The following GPS2 variants were observed in gnomAD, a reference collection of about 807,000 sequenced individuals.
GPS2 encodes GPS-2.
In GPS2, 22 loss-of-function variants were observed where a neutral mutation model predicts 48.1. That is an observed-to-expected ratio of 0.46 (90% confidence interval 0.33 to 0.65). The LOEUF is 0.65. Among genes scored for constraint, GPS2 ranks in the 30% least tolerant of loss-of-function variants. The pLI is 0.03. For missense variants in GPS2, 366 were observed against 406.8 expected (o/e 0.90, Z 0.86); for synonymous variants, 202 against 142.5 (o/e 1.42, Z -2.98).
intron 10 of GPS2, 74 bp downstream of exon 10, chr17:7,312,955 T>C (rs762194404): frequency 6.9e-7 from 1 of 1,458,002 alleles, no homozygotes; most frequent in South Asian, 1.2e-5. Context: ...GTGGGCCACC[T>C]GTCCTACCTA....
In GPS2 at chr17:7,312,705, C is replaced by T. The variant is rs756600341; in HGVS notation, c.*51G>A. 3 of 1,415,808 alleles carry T rather than the reference C, an allele frequency of 2.1e-6. No homozygotes were observed. Among genetic ancestry groups the T allele is most frequent in the South Asian group, 2.3e-5 (2 of 86,994 alleles). The allele number at this position is 1,415,808 out of a possible 1,614,324, so 87.7% of individuals were successfully genotyped here. A position where few individuals can be genotyped will look rare whatever the true frequency, so the allele number is the denominator to read the frequency against. ...TTGGCCTGGGACACACAGGGGATAC[C>T]CTCACCCACGATGGGGTGGGGGGTG... On this transcript the variant is annotated 3_prime_UTR_variant, in exon 11 of 11. Coordinates refer to ENST00000380728, the MANE Select transcript of GPS2 (RefSeq NM_004489.5).
Position 7,313,094 on chromosome 17 carries a change from G to A in GPS2, c.835C>T (p.Leu279=), listed in dbSNP as rs898998491. 1 of 1,579,426 alleles carries A rather than the reference G, an allele frequency of 6.3e-7. No homozygotes were observed. Among genetic ancestry groups the A allele is most frequent in the Admixed American group, 1.7e-5 (1 of 57,338 alleles). Residue 279 remains leucine, a synonymous_variant, in exon 10 of 11, where the codon CTG becomes TTG. Transcript: ENST00000380728. Reference sequence around the variant, plus strand: ...GCAAGGAGTCCAGGGGCTGGATGCAGAGCCTGGGGGTGCATGGGGCGCAGA... The same window carrying A: ...GCAAGGAGTCCAGGGGCTGGATGCAAAGCCTGGGGGTGCATGGGGCGCAGA... ...SSLRPMHPQA[L]HPAPGLLASP...
chr17:7,313,392 G>A lies in GPS2; in HGVS notation c.712C>T (p.Pro238Ser), dbSNP rs375006052. The change falls in exon 8 of 11, where the codon CCC becomes TCC. Residue 238 changes from proline (P) to serine (S), a missense_variant. By Grantham distance (74) the Pro-to-Ser change is moderately conservative. Transcript: ENST00000380728. ...QPYAVHGHFQ[P>S]TQTGFLQPGG... ...GGGATGTTATCACCTGTCTGAGTGGGCTGAAAGTGGCCATGCACAGCATAG... is the reference window on the plus strand; with the variant it reads ...GGGATGTTATCACCTGTCTGAGTGGACTGAAAGTGGCCATGCACAGCATAG... 2 of 1,614,034 alleles carry A rather than the reference G, an allele frequency of 1.2e-6. No individual in the cohort carries two copies. The highest frequency in any genetic ancestry group is 2.2e-5 in the South Asian group (2 of 91,078).
chr17:7,314,134 C>T lies in GPS2; in HGVS notation c.343G>A (p.Ala115Thr). The change falls in exon 5 of 11, where the codon GCA becomes ACA. Residue 115 changes from alanine to threonine, a missense_variant. Around this residue, in one of 3 missense-constraint regions of GPS2, gnomAD observed 275 missense variants for 282.3 expected, o/e 0.97. Transcript: ENST00000380728. ...QSDLTTLTSA[A>T]YQQSLTVHTG... ...TGAACAGTCAGGCTCTGCTGGTATG[C>T]AGCTGATGTTAGGGTGGTCAGGTCA... 6.2e-7 allele frequency: 1 copy of T among 1,614,024 alleles called. No homozygotes were observed. Among genetic ancestry groups the T allele is most frequent in the Non-Finnish European group, 8.5e-7 (1 of 1,179,922 alleles).
At chr17:7,314,900 G>A (rs2072917124) in intron 2 of GPS2, 59 bp downstream of exon 2, 1 of 1,529,472 alleles carries the variant, frequency 6.5e-7, no homozygotes, top group South Asian at 1.2e-5. Flanking sequence ...GTTGAGGCCA[G>A]CCTTGAGGTA....
Position 7,313,105 on chromosome 17 carries a change from T to C in GPS2, c.824A>G (p.His275Arg). Residue 275 changes from histidine to arginine, a missense_variant, in exon 10 of 11, where the codon CAC becomes CGC. Transcript: ENST00000380728. ...AGGGGCTGGATGCAGAGCCTGGGGGTGCATGGGGCGCAGAGAGGACTGCAG... is the reference window on the plus strand; with the variant it reads ...AGGGGCTGGATGCAGAGCCTGGGGGCGCATGGGGCGCAGAGAGGACTGCAG... ...FSDSSSLRPM[H>R]PQALHPAPGL... The C allele has an allele frequency of 6.3e-7, 1 of 1,584,182 alleles. No homozygotes were observed. Among genetic ancestry groups the C allele is most frequent in the East Asian group, 2.2e-5 (1 of 44,460 alleles).
chr17:7,313,005 G>A (rs755106235), intron 10 of GPS2, 24 bp downstream of exon 10: 10 of 1,526,598 alleles, frequency 6.6e-6, no homozygotes, highest in East Asian at 2.3e-5. Flanking sequence ...GATTCTGACA[G>A]GTAAATTCTA....
At position 7,314,069 on chromosome 17, in the gene GPS2, T is replaced by G; in HGVS notation, c.397+11A>C. ...AGGCCGGTTCCATCTGGTGGTTTCT[T>G]TAGTCCTCACCCTGCATGCTGAGGA... On this transcript the variant is annotated intron_variant, in intron 5 of 10. Transcript: ENST00000380728. The G allele has an allele frequency of 6.2e-7, 1 of 1,613,158 alleles. No individual in the cohort carries two copies. Among genetic ancestry groups the G allele is most frequent in the Non-Finnish European group, 8.5e-7 (1 of 1,179,162 alleles).
intron 1 of GPS2, 94 bp from the exon 2 acceptor site, chr17:7,315,213 G>A (rs2072922900): frequency 2.5e-6 from 1 of 393,874 alleles, no homozygotes; most frequent in Non-Finnish European, 4.4e-6. Flanking sequence ...CGTGTCCCAG[G>A]AGCCCGCCAC....
chr17:7,312,823 G>A lies in GPS2; in HGVS notation c.917C>T (p.Thr306Ile). 6.2e-7 allele frequency: 1 copy of A among 1,614,034 alleles called. No homozygotes were observed. Among genetic ancestry groups the A allele is most frequent in the Non-Finnish European group, 8.5e-7 (1 of 1,179,936 alleles). Residue 306 changes from threonine to isoleucine, a missense_variant, in exon 11 of 11, where the codon ACC becomes ATC. Thr to Ile is a moderately conservative substitution (Grantham distance 89). Transcript: ENST00000380728. ...GGGGAGCCGAGGGCCAGGTTGGCTG[G>A]TAGCTGCAAAGCCCGACTGGTGGTG... ...QPAGKSGFAA[T>I]SQPGPRLPFI...
chr17:7,312,908 A>C (rs1208672655), intron 10 of GPS2, 69 bp from the exon 11 acceptor site: 2 of 1,508,176 alleles, frequency 1.3e-6, no homozygotes, highest in East Asian at 2.3e-5. Flanking sequence ...TACCCTACTG[A>C]TAACCACCCC....
Position 7,313,104 on chromosome 17 carries a change from G to T in GPS2, c.825C>A (p.His275Gln). Residue 275 changes from histidine (H) to glutamine (Q), a missense_variant, in exon 10 of 11, where the codon CAC (histidine) becomes CAA (glutamine). Around this residue, in one of 3 missense-constraint regions of GPS2, gnomAD observed 275 missense variants for 282.3 expected, o/e 0.97. Transcript: ENST00000380728. Reference sequence around the variant, plus strand: ...CAGGGGCTGGATGCAGAGCCTGGGGGTGCATGGGGCGCAGAGAGGACTGCA... The same window carrying T: ...CAGGGGCTGGATGCAGAGCCTGGGGTTGCATGGGGCGCAGAGAGGACTGCA... ...FSDSSSLRPM[H>Q]PQALHPAPGL... The T allele has an allele frequency of 6.3e-7, 1 of 1,587,876 alleles. No individual in the cohort carries two copies. The highest frequency in any genetic ancestry group is 8.6e-7 in the Non-Finnish European group (1 of 1,163,538).
rs2072883115 is a variant in GPS2, at chr17:7,313,022, T to G, written c.900+7A>C. 1 of 1,543,212 alleles carries G rather than the reference T, an allele frequency of 6.5e-7. No homozygotes were observed. Among genetic ancestry groups the G allele is most frequent in the Non-Finnish European group, 8.8e-7 (1 of 1,141,976 alleles). ...TTCTGACAGGTAAATTCTATTACCA[T>G]TCTTACCTTTCCTGCTGGCTGCATC... On this transcript the variant is annotated splice_region_variant and intron_variant, in intron 10 of 10. Transcript: ENST00000380728.
In GPS2 at chr17:7,312,709, A is replaced by C. The variant is rs542930712; in HGVS notation, c.*47T>G. 2.8e-6 allele frequency: 4 copies of C among 1,431,858 alleles called. No individual in the cohort carries two copies. The highest frequency in any genetic ancestry group is 1.1e-5 in the South Asian group (1 of 87,380). The allele number at this position is 1,431,858 out of a possible 1,614,324, so 88.7% of individuals were successfully genotyped here. Reference sequence around the variant, plus strand: ...CCTGGGACACACAGGGGATACCCTCACCCACGATGGGGTGGGGGGTGTGGT... The same window carrying C: ...CCTGGGACACACAGGGGATACCCTCCCCCACGATGGGGTGGGGGGTGTGGT... On this transcript the variant is annotated 3_prime_UTR_variant, in exon 11 of 11. Transcript: ENST00000380728.
chr17:7,313,104 G>A lies in GPS2; in HGVS notation c.825C>T (p.His275=), dbSNP rs771319368. 9.4e-6 allele frequency: 15 copies of A among 1,587,876 alleles called. No individual in the cohort carries two copies. In the South Asian group the frequency reaches 1.3e-4, roughly 13 times the overall value. ...FSDSSSLRPM[H]PQALHPAPGL... The stretch of plus-strand genomic sequence containing the variant: ...CAGGGGCTGGATGCAGAGCCTGGGG[G>A]TGCATGGGGCGCAGAGAGGACTGCA... The change falls in exon 10 of 11, where the codon CAC becomes CAT. Residue 275 remains histidine (H), a synonymous_variant. Coordinates refer to ENST00000380728, the MANE Select transcript of GPS2 (RefSeq NM_004489.5).
At chr17:7,312,983 C>T in intron 10 of GPS2, 46 bp downstream of exon 10, 2 of 1,494,450 alleles carry the variant, frequency 1.3e-6, no homozygotes, top group Non-Finnish European at 9.2e-7. Flanking sequence ...TTTTCCGGAT[C>T]CCTAGTGTAG....
At position 7,315,352 on chromosome 17, in the gene GPS2, A is replaced by G; in HGVS notation, c.-89T>C. 2.6e-6 allele frequency: 1 copy of G among 391,580 alleles called. No individual in the cohort carries two copies. The highest frequency in any genetic ancestry group is 4.5e-6 in the Non-Finnish European group (1 of 222,706). The allele number at this position is 391,580 out of a possible 1,614,324, so 24.3% of individuals were successfully genotyped here. A position where few individuals can be genotyped will look rare whatever the true frequency, so the allele number is the denominator to read the frequency against. ...CTACCCGCCTTCTCTGCGCTTTCTC[A>G]GCGGCTCCGACGCGCCCTGGCCCCT... On this transcript the variant is annotated 5_prime_UTR_variant, in exon 1 of 11. Transcript: ENST00000380728.
chr17:7,314,449 G>A lies in GPS2; in HGVS notation c.204+39C>T, dbSNP rs570686624. On this transcript the variant is annotated intron_variant, in intron 3 of 10. Transcript: ENST00000380728. Reference sequence around the variant, plus strand: ...AAGATGAAGGCAGGGAGAGTCAAACGAAGAAATCAAAGCTGGGAAAGTTCA... The same window carrying A: ...AAGATGAAGGCAGGGAGAGTCAAACAAAGAAATCAAAGCTGGGAAAGTTCA... 3.7e-6 allele frequency: 6 copies of A among 1,613,992 alleles called. 1 individual carries two copies. The Admixed American group carries it at 5.0e-5, about 13-fold the overall frequency.
rs753053885 is a variant in GPS2, at chr17:7,312,733, G to A, written c.*23C>T. ...CACCCACGATGGGGTGGGGGGTGTG[G>A]TGTTGAAGATATAATCTGATGGTCA... On this transcript the variant is annotated 3_prime_UTR_variant, in exon 11 of 11. Coordinates refer to ENST00000380728, the MANE Select transcript of GPS2 (RefSeq NM_004489.5). 6.4e-7 allele frequency: 1 copy of A among 1,572,756 alleles called. No individual in the cohort carries two copies. Among genetic ancestry groups the A allele is most frequent in the Admixed American group, 1.7e-5 (1 of 59,970 alleles).
Sources: allele counts gnomAD v4.1 joint callset, GRCh38; gene constraint gnomAD v4.1.1; regional missense constraint gnomAD v4.1.1; transcripts MANE v1.5; gene names NCBI Gene and HGNC (gene_info 2026-07-23, HGNC 2026-07-21).